ZPBP: variants seen among roughly 807,000 people sequenced by gnomAD.
ZPBP encodes the protein zona pellucida-binding protein 1.
ZPBP carries 26 observed loss-of-function variants against 44.8 expected under a neutral mutation model. The observed-to-expected ratio is 0.58, with a 90% CI of 0.43 to 0.81. The LOEUF is 0.81. ZPBP is among the 30% of genes least tolerant of loss of function. ZPBP has a pLI of 0.00. For missense variants in ZPBP, 409 were observed against 434.0 expected, an observed-to-expected ratio of 0.94 and a Z score of 0.51; for synonymous variants, 174 against 153.2, an observed-to-expected ratio of 1.14 and a Z score of -1.00.
At chr7:49,892,724 T>C (rs1792197086) in intron 2 of ZPBP, among the ~76,000 whole-genome samples, 1 of 152,220 alleles carries the variant, frequency 6.6e-6, no homozygotes, top group Non-Finnish European at 1.5e-5. Flanking sequence ...GTTCTGCATA[T>C]TGTGTGCAAA....
intron 4 of ZPBP, among the ~76,000 whole-genome samples, chr7:50,034,708 G>A (rs1009383520): frequency 6.6e-6 from 1 of 151,354 alleles, no homozygotes; most frequent in Admixed American, 6.6e-5. Context: ...GTTCAACTAA[G>A]CTTATTATTC....
At chr7:49,929,612 C>T (rs1794380502) in intron 1 of ZPBP, among the ~76,000 whole-genome samples, 2 of 152,158 alleles carry the variant, frequency 1.3e-5, no homozygotes, top group Admixed American at 6.5e-5. Flanking sequence ...TTTTGCTTTC[C>T]TCCATTTTCT....
chr7:50,030,524 GA>G (rs1361212835), intron 5 of ZPBP, among the ~76,000 whole-genome samples: 4 of 151,742 alleles, frequency 2.6e-5, no homozygotes, highest in African/African-American at 9.7e-5. Context: ...TAAAAAAGGA[GA>G]AAGGAAACTA....
At chr7:49,903,723 T>G (rs1221932730) in intron 1 of ZPBP, among the ~76,000 whole-genome samples, 1 of 152,196 alleles carries the variant, frequency 6.6e-6, no homozygotes, top group Non-Finnish European at 1.5e-5. Context: ...GGCTACGTTG[T>G]CTGGGGTATA....
intron 2 of ZPBP, among the ~76,000 whole-genome samples, chr7:49,880,734 T>G (rs1791627691): frequency 1.3e-5 from 2 of 152,034 alleles, no homozygotes; most frequent in African/African-American, 4.8e-5. Context: ...CTAATGTAAA[T>G]GACGAGTTAA....
intron 5 of ZPBP, among the ~76,000 whole-genome samples, chr7:50,026,175 T>C (rs1468162760): frequency 6.6e-6 from 1 of 151,662 alleles, no homozygotes; most frequent in Non-Finnish European, 1.5e-5. Context: ...AAACTTTAAG[T>C]CAAAAATTGT....
At chr7:49,965,242 G>A (rs1796013290) in intron 7 of ZPBP, among the ~76,000 whole-genome samples, 1 of 151,892 alleles carries the variant, frequency 6.6e-6, no homozygotes, top group African/African-American at 2.4e-5. Flanking sequence ...CAAAAGCAAT[G>A]ATAAAGATAA....
intron 5 of ZPBP, among the ~76,000 whole-genome samples, chr7:50,029,613 C>A (rs1254133414): frequency 1.3e-5 from 2 of 152,152 alleles, no homozygotes; most frequent in African/African-American, 2.4e-5. Flanking sequence ...AGAACTCTTA[C>A]AACAACACCA....
At chr7:50,017,934 A>T (rs560044254) in intron 6 of ZPBP, among the ~76,000 whole-genome samples, 2 of 152,258 alleles carry the variant, frequency 1.3e-5, no homozygotes, top group South Asian at 4.1e-4. Flanking sequence ...GGACAATGGT[A>T]ACATGGACAA....
chr7:50,090,475 T>TTG (rs61591297), intron 1 of ZPBP, among the ~76,000 whole-genome samples: 14 of 150,360 alleles, frequency 9.3e-5, no homozygotes, highest in East Asian at 3.9e-4. Context: ...ATATTTATGT[T>TTG]TGTGTGTGTG....
chr7:50,031,257 G>C lies in ZPBP; in HGVS notation c.541C>G (p.Pro181Ala). ...YQFTARYHAAPCNSIYNISFE... is the reference protein window; with the variant it reads ...YQFTARYHAAACNSIYNISFE... ...GAAATATTATAAATGCTATTGCAGG[G>C]AGCTGCATGATATCGAGCTGTGAAC... The change falls in exon 5 of 8, where the codon CCC becomes GCC. Residue 181 changes from proline to alanine, a missense_variant. Transcript: ENST00000046087. The C allele has an allele frequency of 2.5e-6, 4 of 1,612,236 alleles. No homozygotes were observed. Among genetic ancestry groups the C allele is most frequent in the African/African-American group, 1.3e-5 (1 of 74,938 alleles).
At chr7:49,865,216 G>A (rs917981745) in intron 2 of ZPBP, among the ~76,000 whole-genome samples, 2 of 152,144 alleles carry the variant, frequency 1.3e-5, no homozygotes, top group East Asian at 1.9e-4. Context: ...GTGGTCCGTG[G>A]GGTAGGAGAG....
intron 4 of ZPBP, among the ~76,000 whole-genome samples, chr7:50,043,555 C>A (rs977232849): frequency 6.6e-6 from 1 of 152,010 alleles, no homozygotes; most frequent in African/African-American, 2.4e-5. Context: ...GACTTTCAAC[C>A]AAAAAATATC....
intron 2 of ZPBP, among the ~76,000 whole-genome samples, chr7:49,863,280 T>C (rs1790734740): frequency 6.6e-6 from 1 of 152,222 alleles, no homozygotes; most frequent in African/African-American, 2.4e-5. Context: ...TTTACAATCC[T>C]TTCTATTTCT....
At chr7:49,896,640 A>G (rs1412486892) in intron 2 of ZPBP, among the ~76,000 whole-genome samples, 2 of 152,144 alleles carry the variant, frequency 1.3e-5, no homozygotes, top group Non-Finnish European at 2.9e-5. Flanking sequence ...TTAAACACAT[A>G]GCAAGACAAA....
At chr7:49,867,882 G>T (rs924197983) in intron 2 of ZPBP, among the ~76,000 whole-genome samples, 2 of 150,102 alleles carry the variant, frequency 1.3e-5, no homozygotes, top group Non-Finnish European at 3.0e-5. Context: ...TGCCCATGCT[G>T]GAGTGCAATG....
At chr7:50,029,131 C>G (rs1188905306) in intron 5 of ZPBP, among the ~76,000 whole-genome samples, 1 of 152,102 alleles carries the variant, frequency 6.6e-6, no homozygotes, top group Non-Finnish European at 1.5e-5. Flanking sequence ...GACAGAAGAA[C>G]AGAAATACAG....
chr7:49,954,510 A>T (rs1173149009), intron 7 of ZPBP, among the ~76,000 whole-genome samples: 3 of 152,174 alleles, frequency 2.0e-5, no homozygotes, highest in Admixed American at 2.0e-4. Flanking sequence ...AAATTGGCAA[A>T]GCAGAAATGT....
chr7:49,950,961 A>AT, intron 7 of ZPBP, among the ~76,000 whole-genome samples: 1 of 151,840 alleles, frequency 6.6e-6, no homozygotes, highest in Non-Finnish European at 1.5e-5. Context: ...AAGACAACTG[A>AT]TTTTTCAACA....
Sources: gnomAD v4.1 joint callset for allele counts (sites outside exome capture counted in the v4.1 genomes callset) on GRCh38, gnomAD v4.1.1 for gene constraint, MANE v1.5 for transcripts, NCBI Gene and HGNC (gene_info 2026-07-23, HGNC 2026-07-21) for gene names.